MYCBP2: variants seen among roughly 807,000 people sequenced by gnomAD.
MYCBP2 encodes MYC binding protein 2, also known as E3 ubiquitin-protein ligase MYCBP2.
A neutral mutation model predicts 525.3 loss-of-function variants in MYCBP2; 120 were observed. The ratio of observed to expected loss-of-function variants is 0.23; its 90% confidence interval spans 0.20 to 0.27. The LOEUF (loss-of-function observed/expected upper bound fraction) is 0.27. Among genes scored for constraint, MYCBP2 ranks in the 10% least tolerant of loss-of-function variants. The probability of loss-of-function intolerance (pLI) is 1.00; values close to 1 mark genes in which losing one functional copy is unlikely to be tolerated. For synonymous variants in MYCBP2, 1,894 were observed against 1,955.8 expected, an observed-to-expected ratio of 0.97 and a Z score of 0.83; for missense variants, 4,149 against 5,657.1, an observed-to-expected ratio of 0.73 and a Z score of 8.55.
chr13:77,267,962 GT>G, intron 7 of MYCBP2, 25 bp from the exon 8 acceptor site: 1 of 1,516,648 alleles, frequency 6.6e-7, no homozygotes, highest in African/African-American at 1.4e-5. Context: ...AAATTTTCCT[GT>G]TAAAATATTT....
intron 55 of MYCBP2, among the ~76,000 whole-genome samples, chr13:77,108,891 G>C (rs2154142130): frequency 6.6e-6 from 1 of 152,132 alleles, no homozygotes; most frequent in African/African-American, 2.4e-5. Flanking sequence ...TTTTAGTAGA[G>C]ACGGGGTTTC....
intron 55 of MYCBP2, among the ~76,000 whole-genome samples, chr13:77,117,214 C>T (rs1365205424): frequency 6.6e-6 from 1 of 151,994 alleles, no homozygotes; most frequent in Non-Finnish European, 1.5e-5. Flanking sequence ...GCACATGTGA[C>T]ACTATTTTGT....
chr13:77,294,931 C>T (rs573392419), intron 2 of MYCBP2, among the ~76,000 whole-genome samples: 5 of 152,260 alleles, frequency 3.3e-5, no homozygotes, highest in East Asian at 1.9e-4. Flanking sequence ...CAAAGTATCC[C>T]GTATCTCCGT....
chr13:77,152,632 C>T (rs934993302), intron 46 of MYCBP2, among the ~76,000 whole-genome samples: 21 of 152,174 alleles, frequency 1.4e-4, no homozygotes, highest in East Asian at 3.8e-4. Flanking sequence ...ACTGATGAGA[C>T]GCGCGGCTTA....
In MYCBP2 at chr13:77,273,671, G is replaced by A; in HGVS notation, c.749-3C>T. On this transcript the variant is annotated splice_polypyrimidine_tract_variant and splice_region_variant and intron_variant, in intron 4 of 82. Transcript: ENST00000544440. ...CAAAAGAAGCTGGAAGAGAGACTCT[G>A]TGGATAAAATAGAATTCAATTATAT... The A allele has an allele frequency of 6.7e-7, 1 of 1,502,724 alleles. No individual in the cohort carries two copies. The highest frequency in any genetic ancestry group is 8.9e-7 in the Non-Finnish European group (1 of 1,127,640). The allele number at this position is 1,502,724 out of a possible 1,614,324, so 93.1% of individuals were successfully genotyped here. A position where few individuals can be genotyped will look rare whatever the true frequency, so the allele number is the denominator to read the frequency against.
chr13:77,257,236 G>C (rs989248965), intron 14 of MYCBP2, among the ~76,000 whole-genome samples: 1 of 152,128 alleles, frequency 6.6e-6, no homozygotes, highest in Non-Finnish European at 1.5e-5. Context: ...TAGAGACTGG[G>C]AAGGGTAGTC....
chr13:77,294,114 A>ATACATATATATATATATATATATATG (rs2077828142), intron 2 of MYCBP2, among the ~76,000 whole-genome samples: 1 of 55,404 alleles, frequency 1.8e-5, no homozygotes, highest in African/African-American at 4.7e-5. Context: ...CTATATATAT[A>ATACATATATATATATATATATATATG]TATATATATA....
intron 49 of MYCBP2, chr13:77,144,125 A>G (rs574390162): frequency 3.6e-6 from 1 of 280,650 alleles, no homozygotes; most frequent in East Asian, 7.5e-5. Context: ...TTCTGCTCAC[A>G]GTCAGGAGAG....
chr13:77,090,951 A>C (rs981565318), intron 59 of MYCBP2, among the ~76,000 whole-genome samples: 2 of 152,162 alleles, frequency 1.3e-5, no homozygotes, highest in Admixed American at 6.5e-5. Flanking sequence ...ACATTTTATA[A>C]AAAAAGAGAA....
chr13:77,168,354 G>A, intron 40 of MYCBP2, 74 bp downstream of exon 40: 1 of 1,231,850 alleles, frequency 8.1e-7, no homozygotes, highest in South Asian at 1.3e-5. Context: ...TACAGGCCAG[G>A]CATTCTTTAA....
At chr13:77,289,544 G>A (rs1052422742) in intron 2 of MYCBP2, among the ~76,000 whole-genome samples, 18 of 151,972 alleles carry the variant, frequency 1.2e-4, no homozygotes, top group Admixed American at 7.2e-4. Context: ...AGGAATAGAA[G>A]GGAATTTTCT....
Position 77,241,283 on chromosome 13 carries a change from A to G in MYCBP2, c.2629+1776T>C, listed in dbSNP as rs183866036. ...ATATGCACAAATATACTATACCTAG[A>G]GAAGAATAGCTTTTTTAGAGGGAAG... On this transcript the variant is annotated intron_variant, in intron 17 of 82. Transcript: ENST00000544440. Among the ~76,000 whole-genome samples, 4 of 152,296 alleles carry G rather than the reference A, an allele frequency of 2.6e-5. No homozygotes were observed. The East Asian group carries it at 7.7e-4, about 29-fold the overall frequency.
Position 77,189,054 on chromosome 13 carries a change from G to A in MYCBP2, c.4155-7C>T. On this transcript the variant is annotated splice_polypyrimidine_tract_variant and splice_region_variant and intron_variant, in intron 29 of 82. Transcript: ENST00000544440. The stretch of plus-strand genomic sequence containing the variant: ...GCCATCACTGGTTGGAAGTCTAAAG[G>A]CAGTAGACACATATAAAATTATGTT... The A allele has an allele frequency of 6.3e-7, 1 of 1,583,588 alleles. No homozygotes were observed. Among genetic ancestry groups the A allele is most frequent in the South Asian group, 1.1e-5 (1 of 87,184 alleles).
rs745510691 is a variant in MYCBP2 at position 77,181,943 on chromosome 13, GC to G, written c.4720-22del. The G allele has an allele frequency of 1.1e-5, 18 of 1,587,054 alleles. No individual in the cohort carries two copies. In the South Asian group the frequency reaches 1.7e-4, roughly 15 times the overall value. On this transcript the variant is annotated intron_variant, in intron 32 of 82. Coordinates refer to ENST00000544440, the MANE Select transcript of MYCBP2 (RefSeq NM_015057.5). ...ATATCCTTTTAAAAACAAAAATATG[GC>G]CCCCCAACCAAAAAATATAGCATCA...
At chr13:77,112,983 G>A (rs1240107975) in intron 55 of MYCBP2, among the ~76,000 whole-genome samples, 7 of 151,786 alleles carry the variant, frequency 4.6e-5, no homozygotes, top group East Asian at 1.9e-4. Context: ...CTCCTTCCCC[G>A]TTTTCTCCTA....
At position 77,057,182 on chromosome 13, in the gene MYCBP2, T is replaced by C. The variant is rs1428069970; in HGVS notation, c.13330-89A>G. 5.8e-6 allele frequency: 5 copies of C among 865,610 alleles called. No individual in the cohort carries two copies. In the Admixed American group the frequency reaches 1.1e-4, roughly 19 times the overall value. The allele number at this position is 865,610 out of a possible 1,614,324, so 53.6% of individuals were successfully genotyped here. On this transcript the variant is annotated intron_variant, in intron 78 of 82. Transcript: ENST00000544440. The stretch of plus-strand genomic sequence containing the variant: ...GAGATTATTTAATGCAAGGCACTAC[T>C]TAAAGCAGGTAAGAGAAAAATCAAG...
intron 52 of MYCBP2, among the ~76,000 whole-genome samples, chr13:77,138,966 T>C (rs1413978515): frequency 2.0e-5 from 3 of 152,190 alleles, no homozygotes; most frequent in Non-Finnish European, 4.4e-5. Flanking sequence ...AGCAATTAAT[T>C]AAATTTACTA....
intron 80 of MYCBP2, among the ~76,000 whole-genome samples, chr13:77,052,800 T>G (rs2037099590): frequency 6.6e-6 from 1 of 152,144 alleles, no homozygotes; most frequent in Non-Finnish European, 1.5e-5. Context: ...AAGAAAAAAG[T>G]AATTTTAAGC....
At chr13:77,254,871 T>A (rs1289897832) in intron 14 of MYCBP2, among the ~76,000 whole-genome samples, 1 of 151,970 alleles carries the variant, frequency 6.6e-6, no homozygotes, top group Non-Finnish European at 1.5e-5. Context: ...CCTGGTTTAT[T>A]TTATTGCAGT....
Sources: allele counts gnomAD v4.1 joint callset (sites outside exome capture counted in the v4.1 genomes callset), GRCh38; gene constraint gnomAD v4.1.1; transcripts MANE v1.5; gene names NCBI Gene and HGNC (gene_info 2026-07-23, HGNC 2026-07-21).